Variants in SLC35F4 observed in about 807,000 individuals in gnomAD.
SLC35F4 encodes the protein chromosome 14 open reading frame 36.
A neutral mutation model predicts 44.2 loss-of-function variants in SLC35F4; 24 were observed. The ratio of observed to expected loss-of-function variants is 0.54; its 90% CI spans 0.39 to 0.76. The LOEUF (loss-of-function observed/expected upper bound fraction) is 0.76. Among genes scored for constraint, SLC35F4 ranks in the 30% least tolerant of loss-of-function variants. SLC35F4 has a pLI of 0.00. For synonymous variants in SLC35F4, 238 were observed against 223.6 expected (o/e 1.06, Z -0.57); for missense variants, 562 against 586.1 (o/e 0.96, Z 0.42).
At chr14:57,960,283 C>T (rs971191193) in intron 1 of SLC35F4, among the ~76,000 whole-genome samples, 1 of 152,006 alleles carries the variant, frequency 6.6e-6, no homozygotes, top group Admixed American at 6.6e-5. Context: ...GAACACTGCC[C>T]CAAGAAGGAC....
intron 1 of SLC35F4, among the ~76,000 whole-genome samples, chr14:57,706,614 G>C (rs2075682735): frequency 6.6e-6 from 1 of 152,182 alleles, no homozygotes; most frequent in Non-Finnish European, 1.5e-5. Context: ...GTCAAAGAAG[G>C]CTCTGTGAGG....
At chr14:57,771,484 A>G (rs987185007) in intron 1 of SLC35F4, among the ~76,000 whole-genome samples, 106 of 152,352 alleles carry the variant, frequency 7.0e-4, no homozygotes, top group African/African-American at 2.3e-3. Flanking sequence ...CAACATAAAA[A>G]AGAAGGTTAA....
chr14:57,816,526 T>G (rs558226950), intron 1 of SLC35F4, among the ~76,000 whole-genome samples: 40 of 152,342 alleles, frequency 2.6e-4, no homozygotes, highest in Non-Finnish European at 5.0e-4. Flanking sequence ...ATATACGATC[T>G]CTTAACATTT....
At chr14:57,815,130 C>T (rs1226260925) in intron 1 of SLC35F4, among the ~76,000 whole-genome samples, 6 of 152,194 alleles carry the variant, frequency 3.9e-5, no homozygotes, top group Admixed American at 3.9e-4. Flanking sequence ...TGAAAAATAT[C>T]ATCTAACCCT....
intron 1 of SLC35F4, among the ~76,000 whole-genome samples, chr14:57,908,537 A>G (rs542548019): frequency 2.0e-5 from 3 of 152,226 alleles, no homozygotes; most frequent in East Asian, 3.9e-4. Flanking sequence ...CTAATGATCA[A>G]TAATGTTGAG....
intron 1 of SLC35F4, among the ~76,000 whole-genome samples, chr14:57,689,802 G>C (rs1390696178): frequency 6.6e-6 from 1 of 151,372 alleles, no homozygotes; most frequent in African/African-American, 2.4e-5. Flanking sequence ...CGAGTTAATG[G>C]GTGCGGCACA....
chr14:57,578,338 T>G (rs1311268570), intron 4 of SLC35F4, among the ~76,000 whole-genome samples: 3 of 114,260 alleles, frequency 2.6e-5, no homozygotes, highest in Admixed American at 1.8e-4. Flanking sequence ...TTTTTTTTTT[T>G]TTTTTTTTTT....
chr14:57,592,657 T>C (rs1473529795), intron 2 of SLC35F4, among the ~76,000 whole-genome samples: 1 of 152,192 alleles, frequency 6.6e-6, no homozygotes, highest in East Asian at 1.9e-4. Context: ...GTTTTAGCCT[T>C]GGGGTTCACA....
intron 1 of SLC35F4, among the ~76,000 whole-genome samples, chr14:57,606,939 G>A (rs939739644): frequency 6.6e-6 from 1 of 152,234 alleles, no homozygotes; most frequent in Non-Finnish European, 1.5e-5. Flanking sequence ...GATGCCTACT[G>A]TGTGCCTAGC....
At chr14:57,659,906 C>T (rs1156566103) in intron 1 of SLC35F4, among the ~76,000 whole-genome samples, 1 of 152,144 alleles carries the variant, frequency 6.6e-6, no homozygotes, top group Non-Finnish European at 1.5e-5. Context: ...AAGGTAGCTA[C>T]AAGAAGCCTG....
chr14:57,893,340 A>T (rs1287630931), intron 1 of SLC35F4, among the ~76,000 whole-genome samples: 5 of 152,194 alleles, frequency 3.3e-5, no homozygotes, highest in Non-Finnish European at 7.3e-5. Context: ...CAGGCATTAC[A>T]TACATTGTCT....
chr14:57,682,385 A>G (rs763960609), intron 1 of SLC35F4, among the ~76,000 whole-genome samples: 7 of 152,198 alleles, frequency 4.6e-5, no homozygotes, highest in Non-Finnish European at 8.8e-5. Flanking sequence ...TCAGGAAACT[A>G]ACGCAAGAAT....
chr14:57,921,961 C>A (rs975159217), intron 1 of SLC35F4, among the ~76,000 whole-genome samples: 1 of 152,158 alleles, frequency 6.6e-6, no homozygotes, highest in South Asian at 2.1e-4. Context: ...CTTATGATTA[C>A]CCCAGTGTTT....
chr14:57,768,565 A>G (rs563544746), intron 1 of SLC35F4, among the ~76,000 whole-genome samples: 24 of 152,346 alleles, frequency 1.6e-4, no homozygotes, highest in Middle Eastern at 3.4e-3. Flanking sequence ...CCGCTCCTAC[A>G]AATCCAAATT....
At chr14:57,727,839 A>T (rs942811182) in intron 1 of SLC35F4, among the ~76,000 whole-genome samples, 4 of 152,206 alleles carry the variant, frequency 2.6e-5, no homozygotes, top group Non-Finnish European at 5.9e-5. Context: ...TGTGCTGAGG[A>T]GGAAATCATG....
At chr14:57,811,049 C>T (rs1268588106) in intron 1 of SLC35F4, among the ~76,000 whole-genome samples, 4 of 152,152 alleles carry the variant, frequency 2.6e-5, no homozygotes, top group Non-Finnish European at 2.9e-5. Flanking sequence ...CACTGGGTAA[C>T]AGAGACCTCT....
Position 57,873,508 on chromosome 14 carries a change from G to A in SLC35F4, n.282+108405C>T, listed in dbSNP as rs977412255. ...TTAAAATTATGGCTATTGCTATGAA[G>A]ACTACAAAGTGATGAGAAAAATCCT... On this transcript the variant is annotated intron_variant and non_coding_transcript_variant, in intron 1 of 1. Transcript: ENST00000556568. Among the ~76,000 whole-genome samples the A allele has an allele frequency of 2.0e-5, 3 of 152,144 alleles. No homozygotes were observed. The East Asian group carries it at 5.8e-4, about 29-fold the overall frequency.
intron 1 of SLC35F4, among the ~76,000 whole-genome samples, chr14:57,731,737 AC>A (rs1261458413): frequency 1.3e-5 from 2 of 152,204 alleles, no homozygotes; most frequent in East Asian, 1.9e-4. Context: ...ACAACCTGAA[AC>A]CTTTTGGAGG....
chr14:57,907,494 G>C (rs1344743282), intron 1 of SLC35F4, among the ~76,000 whole-genome samples: 1 of 152,052 alleles, frequency 6.6e-6, no homozygotes, highest in African/African-American at 2.4e-5. Context: ...TAGTGACTAA[G>C]GAAAACCCAT....
Sources: allele counts gnomAD v4.1 joint callset (sites outside exome capture counted in the v4.1 genomes callset), GRCh38; gene constraint gnomAD v4.1.1; transcripts MANE v1.5; gene names NCBI Gene and HGNC (gene_info 2026-07-23, HGNC 2026-07-21).